The following LRRC7 variants were observed in gnomAD, a reference collection of about 807,000 sequenced individuals.
LRRC7 encodes the protein leucine rich repeat containing 7.
LRRC7 carries 23 observed loss-of-function variants against 175.7 expected under a neutral mutation model. That is an observed-to-expected ratio of 0.13 (90% CI 0.09 to 0.19). The LOEUF (loss-of-function observed/expected upper bound fraction) is 0.19. LRRC7 is among the 10% of genes least tolerant of loss of function. LRRC7 has a pLI of 1.00. For missense variants in LRRC7, 1,354 were observed against 1,904.7 expected, an observed-to-expected ratio of 0.71 and a Z score of 5.38; for synonymous variants, 685 against 680.9, an observed-to-expected ratio of 1.01 and a Z score of -0.09.
intron 5 of LRRC7, among the ~76,000 whole-genome samples, chr1:69,827,244 G>T (rs946763673): frequency 6.6e-6 from 1 of 152,052 alleles, no homozygotes; most frequent in African/African-American, 2.4e-5. Flanking sequence ...TTGATAAATT[G>T]CTTTTTTCCT....
intron 4 of LRRC7, among the ~76,000 whole-genome samples, 159 bp from the exon 5 acceptor site, chr1:69,825,587 GAT>G (rs983484596): frequency 1.3e-5 from 2 of 151,684 alleles, no homozygotes; most frequent in African/African-American, 4.8e-5. Flanking sequence ...TAATAATATT[GAT>G]ATGTTATTAA....
chr1:70,069,241 A>C (rs1481645851), intron 23 of LRRC7, among the ~76,000 whole-genome samples: 1 of 152,208 alleles, frequency 6.6e-6, no homozygotes, highest in East Asian at 1.9e-4. Flanking sequence ...GGAAACTTAC[A>C]ATCATGGCGG....
intron 2 of LRRC7, among the ~76,000 whole-genome samples, chr1:69,724,602 A>T (rs938115775): frequency 6.6e-6 from 1 of 152,116 alleles, no homozygotes; most frequent in Non-Finnish European, 1.5e-5. Context: ...TATACAAAAA[A>T]CTGACAAATG....
chr1:69,819,808 G>A (rs891616203), intron 4 of LRRC7, among the ~76,000 whole-genome samples: 1 of 151,708 alleles, frequency 6.6e-6, no homozygotes, highest in African/African-American at 2.4e-5. Flanking sequence ...TACCCTCTTT[G>A]TCACTTGTGA....
intron 2 of LRRC7, among the ~76,000 whole-genome samples, chr1:69,759,137 C>A (rs1183780712): frequency 6.6e-6 from 1 of 151,874 alleles, no homozygotes; most frequent in Non-Finnish European, 1.5e-5. Context: ...GGAAGACATT[C>A]ACAGAGATAG....
At chr1:69,578,312 G>C (rs1646043382) in intron 1 of LRRC7, among the ~76,000 whole-genome samples, 1 of 149,960 alleles carries the variant, frequency 6.7e-6, no homozygotes, top group Non-Finnish European at 1.5e-5. Context: ...GAGAGGATGT[G>C]GAGAAATAGG....
chr1:69,716,455 A>G (rs1342105501), intron 2 of LRRC7, among the ~76,000 whole-genome samples: 1 of 152,002 alleles, frequency 6.6e-6, no homozygotes, highest in Non-Finnish European at 1.5e-5. Context: ...ATGAATTTAA[A>G]TACTGTATCC....
intron 18 of LRRC7, 61 bp downstream of exon 18, chr1:70,028,432 T>G (rs1185297834): frequency 7.2e-7 from 1 of 1,395,392 alleles, no homozygotes; most frequent in Non-Finnish European, 1.0e-6. Context: ...TTTAAATATG[T>G]TTTTTAACTG....
intron 2 of LRRC7, among the ~76,000 whole-genome samples, chr1:69,740,749 C>T (rs1355356731): frequency 1.3e-5 from 2 of 151,992 alleles, no homozygotes; most frequent in East Asian, 1.9e-4. Flanking sequence ...TTACAGTTCA[C>T]GGTGTACAGA....
chr1:69,855,867 A>C lies in LRRC7; in HGVS notation c.647+17584A>C, dbSNP rs994781990. Among the ~76,000 whole-genome samples the C allele has an allele frequency of 2.0e-5, 3 of 152,090 alleles. No individual in the cohort carries two copies. In the East Asian group the frequency reaches 5.8e-4, roughly 29 times the overall value. On this transcript the variant is annotated intron_variant, in intron 7 of 26. Transcript: ENST00000651989. The stretch of plus-strand genomic sequence containing the variant: ...AGCTGTTCTTGTTGAATTGATCCCT[A>C]TACCATTAGGTAATGGCCTTCTTTG...
At chr1:69,725,955 T>C (rs561215358) in intron 2 of LRRC7, among the ~76,000 whole-genome samples, 2 of 152,126 alleles carry the variant, frequency 1.3e-5, no homozygotes, top group African/African-American at 4.8e-5. Flanking sequence ...ACCCTACCTG[T>C]AGCCTAGACA....
chr1:69,691,674 T>G (rs1324086497), intron 2 of LRRC7, among the ~76,000 whole-genome samples: 4 of 151,476 alleles, frequency 2.6e-5, no homozygotes, highest in African/African-American at 9.7e-5. Context: ...GGCACATGCC[T>G]GTAGTCCCAG....
At chr1:69,898,938 A>G (rs950977601) in intron 7 of LRRC7, among the ~76,000 whole-genome samples, 12 of 152,250 alleles carry the variant, frequency 7.9e-5, no homozygotes, top group African/African-American at 2.9e-4. Flanking sequence ...TATACCATGG[A>G]GAACCACGCA....
At chr1:69,642,831 G>GATAC (rs1654428165) in intron 1 of LRRC7, among the ~76,000 whole-genome samples, 1 of 151,898 alleles carries the variant, frequency 6.6e-6, no homozygotes, top group Non-Finnish European at 1.5e-5. Flanking sequence ...TAGATAGATA[G>GATAC]ATAGATAGAT....
chr1:69,687,267 G>A (rs1661266277), intron 2 of LRRC7, among the ~76,000 whole-genome samples: 1 of 152,024 alleles, frequency 6.6e-6, no homozygotes, highest in Admixed American at 6.6e-5. Flanking sequence ...CCAGCACTTT[G>A]GCAGGCTGAG....
rs1666859491 is a variant in LRRC7 at position 70,136,084 on chromosome 1, TGTG to T, written c.*14198_*14200del. On this transcript the variant is annotated 3_prime_UTR_variant, in exon 27 of 27. Coordinates refer to ENST00000651989, the MANE Select transcript of LRRC7 (RefSeq NM_001370785.2). ...GTGTCTGTGTGTGTGTCTGTGTGTG[TGTG>T]TGTGTGTGTGTCTATATATCTTATC... 1.3e-5 allele frequency among the ~76,000 whole-genome samples: 2 copies of T among 151,642 alleles called. No individual in the cohort carries two copies. The highest frequency in any genetic ancestry group is 6.6e-5 in the Admixed American group (1 of 15,200).
intron 2 of LRRC7, among the ~76,000 whole-genome samples, chr1:69,719,208 G>A (rs889967936): frequency 6.6e-6 from 1 of 151,684 alleles, no homozygotes; most frequent in Non-Finnish European, 1.5e-5. Context: ...AATCGCAAAA[G>A]TAATTTCCCA....
At chr1:69,568,738 G>C in intron 1 of LRRC7, 97 bp downstream of exon 1, 1 of 861,340 alleles carries the variant, frequency 1.2e-6, no homozygotes, top group Non-Finnish European at 1.5e-6. Flanking sequence ...GAGGCCGGCC[G>C]GGGGCGGGGG....
At chr1:70,106,494 A>G (rs546017759) in intron 25 of LRRC7, among the ~76,000 whole-genome samples, 2 of 152,316 alleles carry the variant, frequency 1.3e-5, no homozygotes, top group African/African-American at 4.8e-5. Context: ...CTATTGCCAA[A>G]TAATATTTCA....
Sources: allele counts gnomAD v4.1 joint callset (sites outside exome capture counted in the v4.1 genomes callset), GRCh38; gene constraint gnomAD v4.1.1; transcripts MANE v1.5; gene names NCBI Gene and HGNC (gene_info 2026-07-23, HGNC 2026-07-21).